The following TMTC2 variants were observed in gnomAD, a reference collection of about 807,000 sequenced individuals.
TMTC2 encodes transmembrane O-mannosyltransferase targeting cadherins 2.
TMTC2 carries 43 observed loss-of-function variants against 82.4 expected under a neutral mutation model. That is an observed-to-expected ratio of 0.52 (90% confidence interval 0.41 to 0.67). The LOEUF is 0.67. Among genes scored for constraint, TMTC2 ranks in the 30% least tolerant of loss-of-function variants. The pLI, the probability that TMTC2 is intolerant of heterozygous loss-of-function variation, is 0.00. For missense variants in TMTC2, 919 were observed against 1,012.4 expected, an observed-to-expected ratio of 0.91 and a Z score of 1.25; for synonymous variants, 408 against 381.9, an observed-to-expected ratio of 1.07 and a Z score of -0.80.
intron 1 of TMTC2, among the ~76,000 whole-genome samples, chr12:82,774,479 A>G (rs12308668): frequency 0.15 from 23,075 of 151,704 alleles, 2,048 homozygotes; most frequent in African/African-American, 0.24. Flanking sequence ...AAACTAGCTG[A>G]GCATGGTGGC....
At chr12:82,759,621 A>G (rs1305985908) in intron 1 of TMTC2, 1 of 152,204 alleles carries the variant, frequency 6.6e-6, no homozygotes, top group African/African-American at 2.4e-5. Flanking sequence ...TAAACTTTTA[A>G]TAAGAGTAAT....
chr12:82,872,432 G>A (rs1872249521), intron 2 of TMTC2, among the ~76,000 whole-genome samples: 3 of 152,064 alleles, frequency 2.0e-5, no homozygotes, highest in Admixed American at 6.6e-5. Context: ...AGAATTATTC[G>A]GATTCAATTG....
intron 11 of TMTC2, among the ~76,000 whole-genome samples, chr12:83,101,801 G>A (rs1432769639): frequency 6.6e-6 from 1 of 152,132 alleles, no homozygotes; most frequent in Non-Finnish European, 1.5e-5. Flanking sequence ...TATAAAAGTA[G>A]TAAACAAATG....
intron 3 of TMTC2, among the ~76,000 whole-genome samples, chr12:82,922,296 AGT>A (rs1875443537): frequency 6.6e-6 from 1 of 152,232 alleles, no homozygotes; most frequent in Non-Finnish European, 1.5e-5. Context: ...AAAGTCTTTG[AGT>A]GGTCCAAAGA....
intron 11 of TMTC2, among the ~76,000 whole-genome samples, chr12:83,063,292 G>A (rs1349088271): frequency 1.8e-5 from 1 of 56,596 alleles, no homozygotes; most frequent in African/African-American, 7.1e-5. Flanking sequence ...TTCTTCTGCA[G>A]TTTTGTTTTT....
At chr12:82,707,333 C>A (rs1280684504) in intron 1 of TMTC2, among the ~76,000 whole-genome samples, 2 of 152,134 alleles carry the variant, frequency 1.3e-5, no homozygotes, top group South Asian at 4.1e-4. Context: ...AATCACCTCC[C>A]AGATGCCTCA....
intron 10 of TMTC2, among the ~76,000 whole-genome samples, chr12:83,056,456 A>T (rs1248865924): frequency 6.6e-6 from 1 of 151,994 alleles, no homozygotes; most frequent in Admixed American, 6.6e-5. Flanking sequence ...TTATATTCAA[A>T]TCACAGAATA....
At chr12:83,105,107 C>T (rs1253957804) in intron 11 of TMTC2, among the ~76,000 whole-genome samples, 1 of 152,198 alleles carries the variant, frequency 6.6e-6, no homozygotes, top group Non-Finnish European at 1.5e-5. Context: ...CCAATAAGTT[C>T]CTCATTTGCA....
intron 1 of TMTC2, among the ~76,000 whole-genome samples, chr12:82,780,058 T>G (rs1232845458): frequency 6.6e-6 from 1 of 152,202 alleles, no homozygotes; most frequent in Non-Finnish European, 1.5e-5. Flanking sequence ...AATATTTAAT[T>G]ACAGGAAAGA....
chr12:82,824,095 T>C (rs1012492844), intron 1 of TMTC2, among the ~76,000 whole-genome samples: 1 of 152,168 alleles, frequency 6.6e-6, no homozygotes, highest in Non-Finnish European at 1.5e-5. Context: ...GGTTTCACCA[T>C]GTTGGCCAGC....
intron 1 of TMTC2, among the ~76,000 whole-genome samples, chr12:82,813,214 A>G (rs542876269): frequency 6.6e-6 from 1 of 152,128 alleles, no homozygotes; most frequent in East Asian, 1.9e-4. Context: ...TTGAATGCTT[A>G]TGTTTATTTG....
chr12:82,918,147 C>A (rs1428804963), intron 3 of TMTC2, among the ~76,000 whole-genome samples: 1 of 151,812 alleles, frequency 6.6e-6, no homozygotes, highest in Non-Finnish European at 1.5e-5. Context: ...TGGACTCAAG[C>A]AATCCGCCCA....
At chr12:82,815,748 C>A (rs866000783) in intron 1 of TMTC2, among the ~76,000 whole-genome samples, 1 of 151,930 alleles carries the variant, frequency 6.6e-6, no homozygotes, top group African/African-American at 2.4e-5. Flanking sequence ...AGGTGTGACC[C>A]GGCAAATCTA....
At chr12:82,811,736 T>G (rs1373420986) in intron 1 of TMTC2, among the ~76,000 whole-genome samples, 2 of 151,526 alleles carry the variant, frequency 1.3e-5, no homozygotes, top group Non-Finnish European at 2.9e-5. Flanking sequence ...ATTAGATCCC[T>G]GCTTATAGGT....
At chr12:82,858,387 C>T (rs866192552) in intron 2 of TMTC2, among the ~76,000 whole-genome samples, 21 of 152,164 alleles carry the variant, frequency 1.4e-4, no homozygotes, top group African/African-American at 7.2e-5. Flanking sequence ...ATAAACTCAC[C>T]GTTGCTTTGA....
At chr12:83,094,855 G>A (rs1022112114) in intron 11 of TMTC2, among the ~76,000 whole-genome samples, 1 of 152,180 alleles carries the variant, frequency 6.6e-6, no homozygotes, top group Non-Finnish European at 1.5e-5. Flanking sequence ...GAAAGAAAAT[G>A]TGTCAAAGTT....
chr12:82,762,491 C>T (rs970230688), intron 1 of TMTC2, among the ~76,000 whole-genome samples: 4 of 152,174 alleles, frequency 2.6e-5, no homozygotes, highest in Admixed American at 6.5e-5. Flanking sequence ...GGCCGCTTAA[C>T]CTCTTTTTCC....
At chr12:82,987,375 G>A (rs1879196873) in intron 8 of TMTC2, among the ~76,000 whole-genome samples, 1 of 118,036 alleles carries the variant, frequency 8.5e-6, no homozygotes, top group African/African-American at 3.4e-5. Context: ...GGTGAGCCGA[G>A]ATCATGCTAC....
intron 4 of TMTC2, among the ~76,000 whole-genome samples, chr12:82,959,618 C>T (rs1877808097): frequency 6.6e-6 from 1 of 152,052 alleles, no homozygotes; most frequent in Non-Finnish European, 1.5e-5. Flanking sequence ...GCTGGCTAGC[C>T]ATATGCATGA....
Sources: gnomAD v4.1 joint callset for allele counts (sites outside exome capture counted in the v4.1 genomes callset) on GRCh38, gnomAD v4.1.1 for gene constraint, MANE v1.5 for transcripts, NCBI Gene and HGNC (gene_info 2026-07-23, HGNC 2026-07-21) for gene names.